Variants in RTTN observed in about 807,000 individuals in gnomAD.
RTTN encodes the protein rotatin.
RTTN carries 182 observed loss-of-function variants against 269.2 expected under a neutral mutation model. That is an observed-to-expected ratio of 0.68 (90% confidence interval 0.60 to 0.76). RTTN has a LOEUF of 0.76. RTTN is among the 30% of genes least tolerant of loss of function. The probability of loss-of-function intolerance (pLI) is 0.00; values close to 1 mark genes in which losing one functional copy is unlikely to be tolerated. For missense variants in RTTN, 2,545 were observed against 2,608.6 expected (o/e 0.98, Z 0.53); for synonymous variants, 1,006 against 963.5 (o/e 1.04, Z -0.82).
chr18:70,125,165 A>G (rs1274584871), intron 25 of RTTN, among the ~76,000 whole-genome samples: 1 of 152,050 alleles, frequency 6.6e-6, no homozygotes, highest in African/African-American at 2.4e-5. Flanking sequence ...AAGTAAAAAG[A>G]TTTTAGAAAC....
intron 34 of RTTN, among the ~76,000 whole-genome samples, chr18:70,073,060 G>C (rs943646664): frequency 6.6e-6 from 1 of 152,040 alleles, no homozygotes; most frequent in Non-Finnish European, 1.5e-5. Flanking sequence ...TATAATGTCT[G>C]TATAATTATT....
intron 32 of RTTN, among the ~76,000 whole-genome samples, chr18:70,079,855 C>T (rs573958984): frequency 6.6e-6 from 1 of 152,158 alleles, no homozygotes; most frequent in Non-Finnish European, 1.5e-5. Context: ...CTCCTAGTGT[C>T]AGTGCTAATA....
chr18:70,027,768 T>C (rs894875383), intron 43 of RTTN, among the ~76,000 whole-genome samples: 3 of 152,298 alleles, frequency 2.0e-5, no homozygotes, highest in Non-Finnish European at 4.4e-5. Context: ...ATAGGGAATT[T>C]TAATAAATTG....
At chr18:70,105,301 C>A (rs1034127582) in intron 28 of RTTN, among the ~76,000 whole-genome samples, 1 of 152,198 alleles carries the variant, frequency 6.6e-6, no homozygotes, top group Non-Finnish European at 1.5e-5. Context: ...CCAAGCCAGG[C>A]GTGGGATATA....
rs745461376 is a variant in RTTN at position 70,190,755 on chromosome 18, A to C, written c.1008-36T>G. 4.7e-6 allele frequency: 7 copies of C among 1,487,556 alleles called. No homozygotes were observed. In the South Asian group the frequency reaches 8.3e-5, roughly 18 times the overall value. The allele number at this position is 1,487,556 out of a possible 1,614,324, so 92.1% of individuals were successfully genotyped here. A position where few individuals can be genotyped will look rare whatever the true frequency, so the allele number is the denominator to read the frequency against. ...AACAAATGATAAACCTTGCATACAG[A>C]AACAATCCCCAAACAGATTTACTGC... is the stretch of plus-strand genomic sequence containing the variant. On this transcript the variant is annotated intron_variant, in intron 8 of 48. Coordinates refer to ENST00000640769, the MANE Select transcript of RTTN (RefSeq NM_173630.4).
In RTTN at chr18:70,140,117, C is replaced by T. The variant is rs751561357; in HGVS notation, c.2653G>A (p.Val885Met). Residue 885 changes from valine (V) to methionine (M), a missense_variant, in exon 20 of 49, where the codon GTG becomes ATG. Val to Met is a conservative substitution (Grantham distance 21). Transcript: ENST00000640769. Reference protein sequence around the residue: ...DKIIEYLNECVSQDGKVVECL... With the variant: ...DKIIEYLNECMSQDGKVVECL... ...AGCCTTACCTTGCCATCTTGACTCA[C>T]ACATTCATTTAAATACTCAATTATT... The T allele has an allele frequency of 6.3e-7, 1 of 1,596,588 alleles. No individual in the cohort carries two copies. Among genetic ancestry groups the T allele is most frequent in the Non-Finnish European group, 8.6e-7 (1 of 1,164,914 alleles).
At chr18:70,163,265 C>T (rs545413219) in intron 14 of RTTN, among the ~76,000 whole-genome samples, 1 of 151,784 alleles carries the variant, frequency 6.6e-6, no homozygotes, top group Admixed American at 6.6e-5. Context: ...GCCTGTAGTC[C>T]CAGCTACTTG....
chr18:70,036,747 A>G (rs1197405305), intron 40 of RTTN, among the ~76,000 whole-genome samples: 1 of 152,240 alleles, frequency 6.6e-6, no homozygotes, highest in Non-Finnish European at 1.5e-5. Flanking sequence ...ATAGAAGCCT[A>G]TACTGTCTGT....
chr18:70,081,613 T>C (rs1277071874), intron 32 of RTTN, among the ~76,000 whole-genome samples: 3 of 152,090 alleles, frequency 2.0e-5, no homozygotes, highest in Non-Finnish European at 2.9e-5. Flanking sequence ...ACAAATCTAA[T>C]TGAAGTATAT....
chr18:70,032,125 C>T (rs973637687), intron 40 of RTTN, among the ~76,000 whole-genome samples: 5 of 152,172 alleles, frequency 3.3e-5, no homozygotes, highest in African/African-American at 7.2e-5. Context: ...ATGCCCATCC[C>T]CTTAGGCTAG....
chr18:70,061,319 C>T (rs997305186), intron 35 of RTTN: 1 of 455,786 alleles, frequency 2.2e-6, no homozygotes, highest in African/African-American at 2.0e-5. Flanking sequence ...TACTTTCTGG[C>T]ACAGCAAGAT....
chr18:70,103,006 G>A (rs2059214129), intron 28 of RTTN, among the ~76,000 whole-genome samples: 1 of 151,030 alleles, frequency 6.6e-6, no homozygotes. Flanking sequence ...CCTCTGCCCA[G>A]GCGCCCCGTC....
At chr18:70,174,870 A>G (rs2061247317) in intron 11 of RTTN, among the ~76,000 whole-genome samples, 1 of 149,916 alleles carries the variant, frequency 6.7e-6, no homozygotes, top group Admixed American at 6.6e-5. Flanking sequence ...AAAAAAAAAA[A>G]TACGAAAATT....
At chr18:70,108,202 G>A (rs918904546) in intron 28 of RTTN, among the ~76,000 whole-genome samples, 7 of 152,114 alleles carry the variant, frequency 4.6e-5, no homozygotes, top group Admixed American at 2.6e-4. Context: ...ACTTGAACCC[G>A]GGAGGCAGAG....
intron 35 of RTTN, among the ~76,000 whole-genome samples, chr18:70,063,732 T>C (rs1211577708): frequency 6.6e-6 from 1 of 152,224 alleles, no homozygotes; most frequent in East Asian, 1.9e-4. Context: ...AAACCTTTTT[T>C]GAATTTTTCT....
chr18:70,131,839 A>G (rs2060005194), intron 23 of RTTN: 1 of 152,032 alleles, frequency 6.6e-6, no homozygotes, highest in Admixed American at 6.6e-5. Flanking sequence ...AATAATCTGT[A>G]TCCAAAAATA....
In RTTN at chr18:70,109,658, C is replaced by T; in HGVS notation, c.3743G>A (p.Cys1248Tyr). The change falls in exon 28 of 49, where the codon TGT becomes TAT. Residue 1248 changes from cysteine to tyrosine, a missense_variant. By Grantham distance (194) the Cys-to-Tyr change is radical. Transcript: ENST00000640769. ...QTQLALKLLQCLKVTDAPHFY... is the reference protein window; with the variant it reads ...QTQLALKLLQYLKVTDAPHFY... ...ATGAGGCGCATCCGTCACTTTCAGA[C>T]ACTGGAGCAGTTTCAGAGCCAGCTG... 3 of 1,614,094 alleles carry T rather than the reference C, an allele frequency of 1.9e-6. No homozygotes were observed. Among genetic ancestry groups the T allele is most frequent in the Non-Finnish European group, 2.5e-6 (3 of 1,180,024 alleles).
At chr18:70,029,555 C>T (rs561872890) in intron 42 of RTTN, among the ~76,000 whole-genome samples, 193 of 152,150 alleles carry the variant, frequency 1.3e-3, no homozygotes, top group Non-Finnish European at 2.2e-3. Context: ...CAAATATTAG[C>T]TCCATCAATT....
Position 70,065,902 on chromosome 18 carries a change from A to C in RTTN, c.4674T>G (p.Ser1558Arg). 6.2e-7 allele frequency: 1 copy of C among 1,600,942 alleles called. No individual in the cohort carries two copies. The highest frequency in any genetic ancestry group is 8.5e-7 in the Non-Finnish European group (1 of 1,172,722). The change falls in exon 35 of 49, where the codon AGT becomes AGG. Residue 1558 changes from serine (S) to arginine (R), a missense_variant. Transcript: ENST00000640769. ...SETTVAPSLG[S>R]TEFQPLVQST... ...ACTGCACAAGTGGCTGAAATTCAGT[A>C]CTCCCCAATGAAGGTGCCACCTATG...
Sources: gnomAD v4.1 joint callset for allele counts (sites outside exome capture counted in the v4.1 genomes callset) on GRCh38, gnomAD v4.1.1 for gene constraint, MANE v1.5 for transcripts, NCBI Gene and HGNC (gene_info 2026-07-23, HGNC 2026-07-21) for gene names.